SFMBT1: variants seen among roughly 807,000 people sequenced by gnomAD.
SFMBT1 encodes Scm like with four mbt domains 1.
In SFMBT1, 32 loss-of-function variants were observed where a neutral mutation model predicts 108.7. The ratio of observed to expected loss-of-function variants is 0.29; its 90% CI spans 0.22 to 0.40. The LOEUF is 0.40. SFMBT1 is among the 10% of genes least tolerant of loss of function. The probability of loss-of-function intolerance (pLI) is 1.00; values close to 1 mark genes in which losing one functional copy is unlikely to be tolerated. For synonymous variants in SFMBT1, 348 were observed against 369.5 expected (o/e 0.94, Z 0.67); for missense variants, 816 against 1,059.6 (o/e 0.77, Z 3.19).
intron 1 of SFMBT1, among the ~76,000 whole-genome samples, chr3:53,015,322 T>C (rs1250854385): frequency 1.3e-5 from 2 of 151,356 alleles, no homozygotes; most frequent in Non-Finnish European, 1.5e-5. Context: ...GTCAAGGATG[T>C]GGAGAAACCA....
intron 1 of SFMBT1, among the ~76,000 whole-genome samples, chr3:52,997,072 AAAAAAC>A (rs1328246939): frequency 6.7e-6 from 1 of 149,464 alleles, no homozygotes; most frequent in African/African-American, 2.4e-5. Context: ...CAGTCTCAAA[AAAAAAC>A]AAAAACAAAA....
chr3:52,924,689 C>T (rs1487900977), intron 10 of SFMBT1, among the ~76,000 whole-genome samples: 1 of 151,242 alleles, frequency 6.6e-6, no homozygotes, highest in African/African-American at 2.4e-5. Flanking sequence ...CAACAAAACC[C>T]ACAAAAACTA....
intron 1 of SFMBT1, among the ~76,000 whole-genome samples, chr3:53,044,574 C>A (rs34230854): frequency 0.24 from 36,958 of 152,102 alleles, 4,596 homozygotes; most frequent in Admixed American, 0.31. Flanking sequence ...TTCATCCTCT[C>A]GCCAGTTGAC....
At chr3:53,008,911 A>C (rs1698845291) in intron 1 of SFMBT1, among the ~76,000 whole-genome samples, 1 of 151,730 alleles carries the variant, frequency 6.6e-6, no homozygotes, top group Admixed American at 6.6e-5. Flanking sequence ...CTGGGATTAC[A>C]GGCGTGAGCC....
chr3:52,939,531 G>A (rs1406408357), intron 4 of SFMBT1, among the ~76,000 whole-genome samples: 1 of 152,122 alleles, frequency 6.6e-6, no homozygotes, highest in Non-Finnish European at 1.5e-5. Context: ...CCGAGATCGT[G>A]CCACTGTACT....
chr3:53,002,401 TAA>T (rs36044342), intron 1 of SFMBT1, among the ~76,000 whole-genome samples: 7 of 106,920 alleles, frequency 6.5e-5, no homozygotes, highest in Admixed American at 1.0e-4. Context: ...TCCGTCTCAA[TAA>T]AAAAAAAAAA....
At chr3:53,023,865 C>T (rs1219054563) in intron 1 of SFMBT1, among the ~76,000 whole-genome samples, 2 of 152,166 alleles carry the variant, frequency 1.3e-5, no homozygotes, top group Non-Finnish European at 2.9e-5. Flanking sequence ...GCTAATAGCC[C>T]TCCAAATTCA....
intron 1 of SFMBT1, among the ~76,000 whole-genome samples, chr3:53,025,941 A>T (rs1699474345): frequency 6.6e-6 from 1 of 152,202 alleles, no homozygotes; most frequent in Non-Finnish European, 1.5e-5. Flanking sequence ...CAGCACTTGA[A>T]AACTGATTTT....
At chr3:53,038,593 T>C (rs768994145) in intron 1 of SFMBT1, among the ~76,000 whole-genome samples, 2 of 152,210 alleles carry the variant, frequency 1.3e-5, no homozygotes, top group Non-Finnish European at 2.9e-5. Context: ...TCTTTAACCA[T>C]TCTGAAAGTA....
intron 2 of SFMBT1, among the ~76,000 whole-genome samples, chr3:52,956,717 C>A (rs148530464): frequency 6.6e-6 from 1 of 152,140 alleles, no homozygotes; most frequent in Non-Finnish European, 1.5e-5. Flanking sequence ...GCCGAGGTTG[C>A]GCCACTGCAC....
chr3:53,008,626 G>C (rs1396002481), intron 1 of SFMBT1, among the ~76,000 whole-genome samples: 1 of 149,672 alleles, frequency 6.7e-6, no homozygotes, highest in African/African-American at 2.5e-5. Flanking sequence ...CATGACCCTA[G>C]GTAGACTTTT....
chr3:52,923,470 G>A (rs754861552), intron 10 of SFMBT1, among the ~76,000 whole-genome samples: 1 of 151,772 alleles, frequency 6.6e-6, no homozygotes, highest in Non-Finnish European at 1.5e-5. Context: ...GGAGGCTGGA[G>A]AATCTCTTGA....
At chr3:53,007,665 A>C (rs1265008216) in intron 1 of SFMBT1, among the ~76,000 whole-genome samples, 1 of 152,252 alleles carries the variant, frequency 6.6e-6, no homozygotes, top group African/African-American at 2.4e-5. Context: ...AATAAAAAAC[A>C]TGAGTTCATA....
chr3:52,938,191 C>T (rs1703076354), intron 4 of SFMBT1, among the ~76,000 whole-genome samples: 1 of 152,110 alleles, frequency 6.6e-6, no homozygotes, highest in South Asian at 2.1e-4. Flanking sequence ...TTAGGTATGT[C>T]TCCTATACAG....
chr3:52,994,074 C>G (rs13326633), intron 1 of SFMBT1, among the ~76,000 whole-genome samples: 2,766 of 150,374 alleles, frequency 0.018, 140 homozygotes, highest in African/African-American at 0.063. Flanking sequence ...TAAGCCATTA[C>G]TGCAGAGGAA....
chr3:53,024,897 T>C (rs924369401), intron 1 of SFMBT1, among the ~76,000 whole-genome samples: 3 of 152,188 alleles, frequency 2.0e-5, no homozygotes, highest in Non-Finnish European at 4.4e-5. Flanking sequence ...TAACCAAATA[T>C]AAGAATATAA....
At chr3:52,975,472 T>A (rs771462636) in intron 1 of SFMBT1, among the ~76,000 whole-genome samples, 9 of 152,174 alleles carry the variant, frequency 5.9e-5, no homozygotes, top group Non-Finnish European at 1.2e-4. Flanking sequence ...GAGGATAGCT[T>A]GAGCCCAGGA....
At chr3:52,921,602 C>T (rs1197358844) in intron 11 of SFMBT1, 103 bp downstream of exon 11, 1 of 1,270,712 alleles carries the variant, frequency 7.9e-7, no homozygotes, top group East Asian at 2.4e-5. Context: ...AACAAGATCC[C>T]TATTTAACTA....
At chr3:53,041,589 T>C (rs1239523524) in intron 1 of SFMBT1, among the ~76,000 whole-genome samples, 1 of 148,726 alleles carries the variant, frequency 6.7e-6, no homozygotes, top group Admixed American at 6.9e-5. Context: ...TCCCAGCTAC[T>C]TGGGAGGCTG....
Sources: gnomAD v4.1 joint callset for allele counts (sites outside exome capture counted in the v4.1 genomes callset) on GRCh38, gnomAD v4.1.1 for gene constraint, MANE v1.5 for transcripts, NCBI Gene and HGNC (gene_info 2026-07-23, HGNC 2026-07-21) for gene names.